The following GLP2R variants were observed in gnomAD, a reference collection of about 807,000 sequenced individuals.
The protein encoded by GLP2R is glucagon-like peptide 2 receptor.
In GLP2R, 59 loss-of-function variants were observed where a neutral mutation model predicts 68.2. The observed-to-expected ratio is 0.87, with a 90% CI of 0.70 to 1.07. The LOEUF is 1.07. Among genes scored for constraint, GLP2R ranks in the 50% least tolerant of loss-of-function variants. The pLI is 0.00. For synonymous variants in GLP2R, 270 were observed against 265.4 expected (o/e 1.02, Z -0.17); for missense variants, 548 against 677.4 (o/e 0.81, Z 2.12).
chr17:9,850,508 T>C (rs763548221), intron 4 of GLP2R, among the ~76,000 whole-genome samples: 7 of 152,140 alleles, frequency 4.6e-5, no homozygotes, highest in Non-Finnish European at 1.0e-4. Flanking sequence ...TCACCTTCAA[T>C]CGATGACTGG....
chr17:9,829,685 C>G (rs533671264), intron 1 of GLP2R, among the ~76,000 whole-genome samples: 1 of 152,076 alleles, frequency 6.6e-6, no homozygotes, highest in African/African-American at 2.4e-5. Flanking sequence ...CAAGATTATT[C>G]CCTTTGAAGT....
intron 10 of GLP2R, among the ~76,000 whole-genome samples, chr17:9,871,721 C>CTTTTTTTTTTTTTTT (rs372099240): frequency 8.8e-5 from 9 of 102,312 alleles, no homozygotes; most frequent in African/African-American, 3.2e-4. Flanking sequence ...TACTTTCTTT[C>CTTTTTTTTTTTTTTT]TTTTTTTTTT....
chr17:9,859,628 T>TAAAA (rs150895787), intron 6 of GLP2R, among the ~76,000 whole-genome samples: 4,514 of 123,548 alleles, frequency 0.037, 384 homozygotes, highest in East Asian at 0.27. Context: ...CTGTGTCTAC[T>TAAAA]AAAAAAAAAT....
rs189828727 is a variant in GLP2R, at chr17:9,845,356, C to T, written c.504+2740C>T. Among the ~76,000 whole-genome samples the T allele has an allele frequency of 4.6e-5, 7 of 152,262 alleles. No homozygotes were observed. In the East Asian group the frequency reaches 5.8e-4, roughly 13 times the overall value. On this transcript the variant is annotated intron_variant, in intron 4 of 12. Transcript: ENST00000262441. ...CATTAAATGTTAAAGATATTCTATA[C>T]AATAAAGTCTGGGGACAGGGGAAGG... is the stretch of plus-strand genomic sequence containing the variant.
chr17:9,854,278 G>A lies in GLP2R; in HGVS notation c.505-217G>A, dbSNP rs142535551. 2.1e-3 allele frequency among the ~76,000 whole-genome samples: 322 copies of A among 152,330 alleles called. 3 individuals carry two copies. The highest frequency in any genetic ancestry group is 2.2e-3 in the Non-Finnish European group (152 of 68,036). On this transcript the variant is annotated intron_variant, in intron 4 of 12. Coordinates refer to ENST00000262441, the MANE Select transcript of GLP2R (RefSeq NM_004246.3). Reference sequence around the variant, plus strand: ...CCCAGTCACAGGGGTGAGACCCACCGTGGGCTCTTCACTTGTTAAGGCTCC... The same window carrying A: ...CCCAGTCACAGGGGTGAGACCCACCATGGGCTCTTCACTTGTTAAGGCTCC...
At position 9,855,060 on chromosome 17, in the gene GLP2R, C is replaced by T. The variant is rs182951334; in HGVS notation, c.611+459C>T. On this transcript the variant is annotated intron_variant, in intron 5 of 12. Coordinates refer to ENST00000262441, the MANE Select transcript of GLP2R (RefSeq NM_004246.3). ...TAATTATTTATTTCTGGAAGTTTTT[C>T]GTTTAATATTTTTGAGCCGCAGTGC... Among the ~76,000 whole-genome samples, 62 of 152,212 alleles carry T rather than the reference C, an allele frequency of 4.1e-4. No homozygotes were observed. In the East Asian group the frequency reaches 5.0e-3, roughly 12 times the overall value.
chr17:9,886,858 A>G (rs1013889447), intron 11 of GLP2R, among the ~76,000 whole-genome samples: 19 of 152,192 alleles, frequency 1.2e-4, no homozygotes, highest in African/African-American at 4.3e-4. Context: ...TTCACTCTTT[A>G]GTTGGAAATG....
intron 4 of GLP2R, among the ~76,000 whole-genome samples, chr17:9,846,256 TTTAAAAAAC>T (rs1164689687): frequency 6.6e-6 from 1 of 152,198 alleles, no homozygotes; most frequent in African/African-American, 2.4e-5. Flanking sequence ...GTGCAAGTAA[TTTAAAAAAC>T]TGCTATATGA....
chr17:9,870,059 T>C (rs2067078479), intron 9 of GLP2R, among the ~76,000 whole-genome samples: 1 of 152,142 alleles, frequency 6.6e-6, no homozygotes, highest in South Asian at 2.1e-4. Context: ...AGCAACAGGA[T>C]CTCAAGTTAG....
chr17:9,845,735 A>ATGTGTG (rs1233491749), intron 4 of GLP2R, among the ~76,000 whole-genome samples: 1 of 125,892 alleles, frequency 7.9e-6, no homozygotes, highest in Non-Finnish European at 1.7e-5. Context: ...GGTTGGATTT[A>ATGTGTG]TGTGTGTGTG....
intron 4 of GLP2R, among the ~76,000 whole-genome samples, chr17:9,849,616 T>TTA (rs1555570732): frequency 7.3e-6 from 1 of 137,136 alleles, no homozygotes; most frequent in Non-Finnish European, 1.6e-5. Context: ...TCTTTTTTTT[T>TTA]TTTTTTTTTT....
At chr17:9,857,314 A>G in intron 5 of GLP2R, 109 bp from the exon 6 acceptor site, 1 of 933,438 alleles carries the variant, frequency 1.1e-6, no homozygotes, top group Non-Finnish European at 1.7e-6. Context: ...TGCAGCCTAT[A>G]CTATGACCCT....
At chr17:9,852,060 GT>G (rs961115603) in intron 4 of GLP2R, among the ~76,000 whole-genome samples, 1,984 of 53,542 alleles carry the variant, frequency 0.037, 53 homozygotes, top group African/African-American at 0.21. Context: ...TTTTTTTTTT[GT>G]TTTTTTTTTT....
chr17:9,845,063 C>CTT (rs567510721), intron 4 of GLP2R, among the ~76,000 whole-genome samples: 3 of 143,934 alleles, frequency 2.1e-5, no homozygotes, highest in African/African-American at 7.7e-5. Flanking sequence ...CAAGTTGTGG[C>CTT]TTTTTTTTTT....
At chr17:9,887,845 C>T in intron 11 of GLP2R, 87 bp from the exon 12 acceptor site, 1 of 925,548 alleles carries the variant, frequency 1.1e-6, no homozygotes, top group Non-Finnish European at 1.8e-6. Flanking sequence ...TCCTTACGAC[C>T]TGTGCAGGGC....
chr17:9,861,420 G>A (rs2066986367), intron 8 of GLP2R, among the ~76,000 whole-genome samples: 1 of 152,072 alleles, frequency 6.6e-6, no homozygotes, highest in Admixed American at 6.6e-5. Context: ...TGCTGTATAG[G>A]TTAGCTGCAG....
intron 10 of GLP2R, among the ~76,000 whole-genome samples, chr17:9,880,016 T>C (rs764703706): frequency 3.3e-5 from 5 of 152,148 alleles, no homozygotes; most frequent in Non-Finnish European, 5.9e-5. Context: ...AACCACATGA[T>C]AGGAAATTTA....
chr17:9,874,213 G>T (rs1017848764), intron 10 of GLP2R, among the ~76,000 whole-genome samples: 1 of 152,192 alleles, frequency 6.6e-6, no homozygotes, highest in Non-Finnish European at 1.5e-5. Flanking sequence ...CTAGGAAAGG[G>T]TAAATCAAGA....
chr17:9,864,626 G>C (rs975200655), intron 9 of GLP2R, among the ~76,000 whole-genome samples: 4 of 152,040 alleles, frequency 2.6e-5, no homozygotes, highest in Non-Finnish European at 5.9e-5. Context: ...GGGTTCAAGC[G>C]ATTCTTGTGC....
Sources: allele counts gnomAD v4.1 joint callset (sites outside exome capture counted in the v4.1 genomes callset), GRCh38; gene constraint gnomAD v4.1.1; transcripts MANE v1.5; gene names NCBI Gene and HGNC (gene_info 2026-07-23, HGNC 2026-07-21).